Variants in SRGAP1 observed in about 807,000 individuals in gnomAD.
SRGAP1 encodes the protein SLIT-ROBO Rho GTPase-activating protein 1.
Under a neutral mutation model 121.9 loss-of-function variants are expected in SRGAP1, and 43 were observed. The observed-to-expected ratio is 0.35, with a 90% CI of 0.28 to 0.46. The LOEUF (loss-of-function observed/expected upper bound fraction) is 0.46, where lower values mean the gene tolerates loss of function less well. SRGAP1 is among the 20% of genes least tolerant of loss of function. The pLI, the probability that SRGAP1 is intolerant of heterozygous loss-of-function variation, is 1.00. For missense variants in SRGAP1, 1,102 were observed against 1,350.9 expected, an observed-to-expected ratio of 0.82 and a Z score of 2.89; for synonymous variants, 447 against 485.4, an observed-to-expected ratio of 0.92 and a Z score of 1.04.
At chr12:64,085,525 C>A (rs369534965) in intron 10 of SRGAP1, among the ~76,000 whole-genome samples, 2 of 152,252 alleles carry the variant, frequency 1.3e-5, no homozygotes, top group African/African-American at 4.8e-5. Context: ...ACTCTCACAT[C>A]TTTATCTCCA....
At chr12:64,067,610 G>C (rs2035563233) in intron 8 of SRGAP1, among the ~76,000 whole-genome samples, 2 of 152,086 alleles carry the variant, frequency 1.3e-5, no homozygotes, top group South Asian at 2.1e-4. Flanking sequence ...CCCAAAGAAA[G>C]TAAGATTTCA....
intron 4 of SRGAP1, among the ~76,000 whole-genome samples, chr12:64,034,512 A>G (rs1410593094): frequency 6.6e-6 from 1 of 152,228 alleles, no homozygotes; most frequent in Non-Finnish European, 1.5e-5. Context: ...TACCTCTATT[A>G]GAAACAACAA....
At chr12:63,973,443 A>G (rs529628894) in intron 1 of SRGAP1, among the ~76,000 whole-genome samples, 1 of 152,302 alleles carries the variant, frequency 6.6e-6, no homozygotes, top group South Asian at 2.1e-4. Flanking sequence ...CAAAATACTT[A>G]TGCACTCTCT....
chr12:64,114,942 T>C (rs148938291), intron 17 of SRGAP1, among the ~76,000 whole-genome samples: 1 of 152,232 alleles, frequency 6.6e-6, no homozygotes, highest in African/African-American at 2.4e-5. Flanking sequence ...GCTTTTACAG[T>C]AATAGTAGGT....
At chr12:64,115,130 GAA>G (rs1336401699) in intron 17 of SRGAP1, among the ~76,000 whole-genome samples, 2 of 152,094 alleles carry the variant, frequency 1.3e-5, no homozygotes, top group Non-Finnish European at 2.9e-5. Context: ...AGACATCAAA[GAA>G]TGACCAATTT....
chr12:64,079,009 C>T lies in SRGAP1; in HGVS notation c.1216C>T (p.Arg406Cys), dbSNP rs765568604. 2.5e-6 allele frequency: 4 copies of T among 1,614,142 alleles called. No individual in the cohort carries two copies. The highest frequency in any genetic ancestry group is 2.2e-5 in the East Asian group (1 of 44,858). The change falls in exon 9 of 22, where the codon CGT becomes TGT. Residue 406 changes from arginine (R) to cysteine (C), a missense_variant. Arg to Cys is a radical substitution (Grantham distance 180). Around this residue, in one of 3 missense-constraint regions of SRGAP1, gnomAD observed 747 missense variants for 929.4 expected, o/e 0.80. Transcript: ENST00000355086. ...TGTTTCTGAATGCTTCCAGCACAGT[C>T]GTTCCACAGAATCAGTGAAGTCCAC... is the stretch of plus-strand genomic sequence containing the variant. The part of the protein sequence containing the change: ...YDVSECFQHS[R>C]STESVKSTVS...
intron 20 of SRGAP1, 23 bp downstream of exon 20, chr12:64,127,747 G>A: frequency 1.2e-6 from 2 of 1,612,490 alleles, no homozygotes; most frequent in South Asian, 2.2e-5. Flanking sequence ...TGGGAATCAG[G>A]CCCCTAAGCC....
chr12:64,046,911 T>C (rs964768497), intron 6 of SRGAP1, among the ~76,000 whole-genome samples: 2 of 151,774 alleles, frequency 1.3e-5, no homozygotes, highest in African/African-American at 4.8e-5. Flanking sequence ...CTCCATTTTA[T>C]AGACTGAAAA....
intron 4 of SRGAP1, among the ~76,000 whole-genome samples, chr12:64,037,851 A>G (rs1188520593): frequency 6.6e-6 from 1 of 152,238 alleles, no homozygotes; most frequent in East Asian, 1.9e-4. Context: ...CACACCCATC[A>G]GTGGGTTATG....
chr12:64,116,906 G>A (rs2036532350), intron 18 of SRGAP1, among the ~76,000 whole-genome samples: 1 of 152,228 alleles, frequency 6.6e-6, no homozygotes, highest in East Asian at 1.9e-4. Context: ...GGAGAGTGAA[G>A]ACTTTGGTGT....
chr12:64,011,326 G>C lies in SRGAP1; in HGVS notation c.427-5624G>C, dbSNP rs976287238. Reference sequence around the variant, plus strand: ...TTGATCAGCCAGAATTGATAAGATTGGTAACTTCTTCAAGGAAAAGCAGCC... The same window carrying C: ...TTGATCAGCCAGAATTGATAAGATTCGTAACTTCTTCAAGGAAAAGCAGCC... On this transcript the variant is annotated intron_variant, in intron 3 of 21. Coordinates refer to ENST00000355086, the MANE Select transcript of SRGAP1 (RefSeq NM_020762.4). Among the ~76,000 whole-genome samples the C allele has an allele frequency of 3.3e-5, 5 of 152,030 alleles. 1 individual carries two copies. Among genetic ancestry groups the C allele is most frequent in the African/African-American group, 1.2e-4 (5 of 41,338 alleles).
chr12:64,001,891 T>C (rs566944070), intron 3 of SRGAP1, among the ~76,000 whole-genome samples: 1 of 152,312 alleles, frequency 6.6e-6, no homozygotes, highest in South Asian at 2.1e-4. Context: ...TTGGGTAAAT[T>C]GACTAAGTAT....
intron 1 of SRGAP1, among the ~76,000 whole-genome samples, chr12:63,935,615 CACTT>C (rs1475248736): frequency 6.6e-6 from 1 of 152,134 alleles, no homozygotes; most frequent in Non-Finnish European, 1.5e-5. Flanking sequence ...CCAAAAATAA[CACTT>C]ACAGAAAACA....
intron 15 of SRGAP1, among the ~76,000 whole-genome samples, chr12:64,101,593 C>G (rs914592994): frequency 6.6e-6 from 1 of 152,144 alleles, no homozygotes; most frequent in Non-Finnish European, 1.5e-5. Flanking sequence ...CTCAGTTTCT[C>G]ACCCAAGAGT....
chr12:63,992,456 G>T lies in SRGAP1; in HGVS notation c.426+2384G>T, dbSNP rs533012593. Reference sequence around the variant, plus strand: ...CTCTGGGGCTGGCATGGCATTTGGAGTGATCTCATATCCAGGCAAGGAGAC... The same window carrying T: ...CTCTGGGGCTGGCATGGCATTTGGATTGATCTCATATCCAGGCAAGGAGAC... On this transcript the variant is annotated intron_variant, in intron 3 of 21. Transcript: ENST00000355086. Among the ~76,000 whole-genome samples, 13 of 152,260 alleles carry T rather than the reference G, an allele frequency of 8.5e-5. 1 individual carries two copies. The South Asian group carries it at 1.5e-3, about 17-fold the overall frequency.
chr12:64,104,221 G>A (rs1467931032), intron 15 of SRGAP1, among the ~76,000 whole-genome samples: 1 of 152,172 alleles, frequency 6.6e-6, no homozygotes, highest in African/African-American at 2.4e-5. Context: ...TTTACATGGA[G>A]CTATCTAACC....
At chr12:63,993,771 A>G (rs1292199413) in intron 3 of SRGAP1, among the ~76,000 whole-genome samples, 1 of 152,136 alleles carries the variant, frequency 6.6e-6, no homozygotes. Context: ...ATGCAGAGCT[A>G]TAGGGAACAG....
intron 6 of SRGAP1, among the ~76,000 whole-genome samples, chr12:64,054,255 C>T (rs182404917): frequency 6.6e-6 from 1 of 152,316 alleles, no homozygotes; most frequent in East Asian, 1.9e-4. Flanking sequence ...ATCCCCTACT[C>T]CAGCCAGTTT....
chr12:63,866,087 C>T (rs1374000248), intron 1 of SRGAP1, among the ~76,000 whole-genome samples: 1 of 152,172 alleles, frequency 6.6e-6, no homozygotes, highest in African/African-American at 2.4e-5. Flanking sequence ...GCTCATGAGG[C>T]ACCCACTTAT....
Sources: gnomAD v4.1 joint callset for allele counts (sites outside exome capture counted in the v4.1 genomes callset) on GRCh38, gnomAD v4.1.1 for gene constraint, gnomAD v4.1.1 regional missense constraint, MANE v1.5 for transcripts, NCBI Gene and HGNC (gene_info 2026-07-23, HGNC 2026-07-21) for gene names.